RFX5: variants seen among roughly 807,000 people sequenced by gnomAD.
RFX5 encodes the protein regulatory factor X5.
RFX5 carries 30 observed loss-of-function variants against 41.2 expected under a neutral mutation model. The observed-to-expected ratio is 0.73, with a 90% CI of 0.54 to 0.99. RFX5 has a LOEUF of 0.99. Ranked by LOEUF, RFX5 falls within the 50% of genes least tolerant of loss-of-function variation. RFX5 has a pLI of 0.00. For synonymous variants in RFX5, 231 were observed against 291.8 expected (o/e 0.79, Z 2.12); for missense variants, 715 against 773.6 (o/e 0.92, Z 0.90).
chr1:151,342,175 A>G lies in RFX5; in HGVS notation c.*11T>C. The G allele has an allele frequency of 1.2e-6, 2 of 1,614,190 alleles. No individual in the cohort carries two copies. The highest frequency in any genetic ancestry group is 1.1e-5 in the South Asian group (1 of 91,086). ...CGTAGGGATATAAACACTCTTCCCC[A>G]CAGACCTGTATCATGGGGGTGTTGC... On this transcript the variant is annotated 3_prime_UTR_variant, in exon 11 of 11. Transcript: ENST00000452671.
chr1:151,346,071 T>G (rs916008123), intron 3 of RFX5, 110 bp from the exon 4 acceptor site: 1 of 1,592,462 alleles, frequency 6.3e-7, no homozygotes, highest in Non-Finnish European at 8.6e-7. Flanking sequence ...GCTCAAGAAT[T>G]GCTACCATGG....
At chr1:151,344,604 C>A in intron 6 of RFX5, 68 bp from the exon 7 acceptor site, 1 of 1,611,226 alleles carries the variant, frequency 6.2e-7, no homozygotes, top group South Asian at 1.1e-5. Context: ...TCGAAGAGTC[C>A]CTAGGGATCA....
chr1:151,342,701 G>A lies in RFX5; in HGVS notation c.1336C>T (p.Pro446Ser). ...TCCTGCTTTGCTGCTTTAGCTGGTGGAGCCTGCCCACTGGCCTCACTCACA... is the reference window on the plus strand; with the variant it reads ...TCCTGCTTTGCTGCTTTAGCTGGTGAAGCCTGCCCACTGGCCTCACTCACA... ...VPVSEASGQAPPAKAAKQDIE... is the reference protein window; with the variant it reads ...VPVSEASGQASPAKAAKQDIE... Residue 446 changes from proline (P) to serine (S), a missense_variant, in exon 11 of 11, where the codon CCA (proline) becomes TCA (serine). Coordinates refer to ENST00000452671, the MANE Select transcript of RFX5 (RefSeq NM_001025603.2). The A allele has an allele frequency of 6.2e-7, 1 of 1,614,176 alleles. No individual in the cohort carries two copies. Among genetic ancestry groups the A allele is most frequent in the Non-Finnish European group, 8.5e-7 (1 of 1,180,042 alleles).
intron 2 of RFX5, 44 bp from the exon 3 acceptor site, chr1:151,346,377 C>T: frequency 2.0e-6 from 3 of 1,507,682 alleles, no homozygotes; most frequent in Non-Finnish European, 2.8e-6. Flanking sequence ...CTCACACTGG[C>T]CTTCCCTTCC....
intron 6 of RFX5, 25 bp downstream of exon 6, chr1:151,344,703 T>TTCC: frequency 1.3e-6 from 2 of 1,515,656 alleles, no homozygotes; most frequent in Non-Finnish European, 8.9e-7. Flanking sequence ...AATCCACTCA[T>TTCC]CCCACCACCC....
At position 151,342,225 on chromosome 1, in the gene RFX5, T is replaced by C; in HGVS notation, c.1812A>G (p.Leu604=). The C allele has an allele frequency of 6.2e-7, 1 of 1,614,228 alleles. No individual in the cohort carries two copies. The highest frequency in any genetic ancestry group is 1.1e-5 in the South Asian group (1 of 91,088). The change falls in exon 11 of 11, where the codon TTA becomes TTG. Residue 604 remains leucine, a synonymous_variant. Transcript: ENST00000452671. ...DLKEHVLQSS[L]SQEHKDPKAT... is the part of the protein sequence containing the mutation. Reference sequence around the variant, plus strand: ...CTTTTGGGTCTTTATGCTCCTGGGATAAGGAACTTTGAAGCACATGCTCCT... The same window carrying C: ...CTTTTGGGTCTTTATGCTCCTGGGACAAGGAACTTTGAAGCACATGCTCCT...
chr1:151,345,874 C>G (rs1306969502), intron 4 of RFX5, 54 bp downstream of exon 4: 4 of 1,611,346 alleles, frequency 2.5e-6, no homozygotes, highest in Non-Finnish European at 3.4e-6. Flanking sequence ...ATCCTCACAT[C>G]CTCCTCCCTC....
At position 151,344,555 on chromosome 1, in the gene RFX5, G is replaced by C. The variant is rs767572610; in HGVS notation, c.354-19C>G. On this transcript the variant is annotated intron_variant, in intron 6 of 10. Coordinates refer to ENST00000452671, the MANE Select transcript of RFX5 (RefSeq NM_001025603.2). ...GTACTTCCTGAGTGAGAGGGGAGCA[G>C]AGTGGGAAGATACTCAGAGAAGGAG... The C allele has an allele frequency of 4.3e-6, 7 of 1,614,176 alleles. No individual in the cohort carries two copies. The highest frequency in any genetic ancestry group is 1.1e-5 in the South Asian group (1 of 91,056).
rs1402328710 is a variant in RFX5, at chr1:151,342,928, C to G, written c.1109G>C (p.Arg370Thr). Residue 370 changes from arginine to threonine, a missense_variant, in exon 11 of 11, where the codon AGG becomes ACG. Arg to Thr is a moderately conservative substitution (Grantham distance 71, BLOSUM62 -1). Coordinates refer to ENST00000452671, the MANE Select transcript of RFX5 (RefSeq NM_001025603.2). ...CACAGCTGCTGGGGGTGCCCCGGCC[C>G]TACTAGACAGAGGCAGTGTAGCCAC... ...LKVATLPLSS[R>T]AGAPPAAVPI... The G allele has an allele frequency of 6.2e-7, 1 of 1,614,150 alleles. No individual in the cohort carries two copies. Among genetic ancestry groups the G allele is most frequent in the Non-Finnish European group, 8.5e-7 (1 of 1,180,008 alleles).
Position 151,345,207 on chromosome 1 carries a change from G to C in RFX5, c.151-19C>G, listed in dbSNP as rs759922162. 6.2e-7 allele frequency: 1 copy of C among 1,602,440 alleles called. No individual in the cohort carries two copies. Among genetic ancestry groups the C allele is most frequent in the Non-Finnish European group, 8.5e-7 (1 of 1,169,786 alleles). ...CATCTTGCTGAGGTAGGAGAGAACAGAGGCAGGAGAAATAATAAGGCCAAG... is the reference window on the plus strand; with the variant it reads ...CATCTTGCTGAGGTAGGAGAGAACACAGGCAGGAGAAATAATAAGGCCAAG... On this transcript the variant is annotated intron_variant, in intron 4 of 10. Transcript: ENST00000452671.
At position 151,344,730 on chromosome 1, in the gene RFX5, A is replaced by G; in HGVS notation, c.351T>C (p.Tyr117=). Residue 117 remains tyrosine (Y), a splice_region_variant and synonymous_variant, in exon 6 of 11, where the codon TAT becomes TAC. Coordinates refer to ENST00000452671, the MANE Select transcript of RFX5 (RefSeq NM_001025603.2). ...CLPKQSVYDA[Y]RKYCESLACC... is the part of the protein sequence containing the mutation. ...CCACCACCCACCCCTCCACCCACCGATAGGCATCATAAACACTTTGCTTTG... is the reference window on the plus strand; with the variant it reads ...CCACCACCCACCCCTCCACCCACCGGTAGGCATCATAAACACTTTGCTTTG... The G allele has an allele frequency of 9.1e-7, 1 of 1,095,362 alleles. No homozygotes were observed. Among genetic ancestry groups the G allele is most frequent in the Non-Finnish European group, 1.3e-6 (1 of 780,164 alleles). 67.9% of individuals were successfully genotyped at this position (1,095,362 alleles called of 1,614,324 possible).
intron 5 of RFX5, 41 bp downstream of exon 5, chr1:151,345,065 G>T: frequency 6.3e-7 from 1 of 1,585,170 alleles, no homozygotes; most frequent in South Asian, 1.1e-5. Flanking sequence ...CTTTCTCTAA[G>T]AATCAGAACC....
Position 151,344,550 on chromosome 1 carries a change from G to A in RFX5, c.354-14C>T, listed in dbSNP as rs1263151716. 1.2e-6 allele frequency: 2 copies of A among 1,614,148 alleles called. No individual in the cohort carries two copies. On this transcript the variant is annotated splice_polypyrimidine_tract_variant and intron_variant, in intron 6 of 10. Coordinates refer to ENST00000452671, the MANE Select transcript of RFX5 (RefSeq NM_001025603.2). ...TCACAGTACTTCCTGAGTGAGAGGGGAGCAGAGTGGGAAGATACTCAGAGA... is the reference window on the plus strand; with the variant it reads ...TCACAGTACTTCCTGAGTGAGAGGGAAGCAGAGTGGGAAGATACTCAGAGA...
At position 151,346,574 on chromosome 1, in the gene RFX5, C is replaced by T; in HGVS notation, c.-99G>A. 2.1e-6 allele frequency: 1 copy of T among 481,282 alleles called. No homozygotes were observed. Among genetic ancestry groups the T allele is most frequent in the Non-Finnish European group, 3.8e-6 (1 of 262,766 alleles). The allele number at this position is 481,282 out of a possible 1,614,324, so 29.8% of individuals were successfully genotyped here. Reference sequence around the variant, plus strand: ...TCTTTGCCATCTCCATTCTATCTGCCCCACCTTTCTGAAGTCTCCTAAATC... The same window carrying T: ...TCTTTGCCATCTCCATTCTATCTGCTCCACCTTTCTGAAGTCTCCTAAATC... On this transcript the variant is annotated 5_prime_UTR_variant, in exon 2 of 11. Transcript: ENST00000452671.
At position 151,342,779 on chromosome 1, in the gene RFX5, C is replaced by T; in HGVS notation, c.1258G>A (p.Gly420Ser). ...TTGTCATGTGGTCCTTGGTCACCAC[C>T]TATGCCTACCTCTCTGTTCTCTGTG... Reference protein sequence around the residue: ...RGTENREVGIGGDQGPHDKGV... With the variant: ...RGTENREVGISGDQGPHDKGV... The change falls in exon 11 of 11, where the codon GGT (glycine) becomes AGT (serine). Residue 420 changes from glycine to serine, a missense_variant. Gly to Ser is a moderately conservative substitution (Grantham distance 56). Coordinates refer to ENST00000452671, the MANE Select transcript of RFX5 (RefSeq NM_001025603.2). The T allele has an allele frequency of 1.2e-6, 2 of 1,614,160 alleles. No individual in the cohort carries two copies. Among genetic ancestry groups the T allele is most frequent in the Non-Finnish European group, 1.7e-6 (2 of 1,179,994 alleles).
chr1:151,346,080 G>A (rs1651025560), intron 3 of RFX5, 119 bp from the exon 4 acceptor site: 8 of 1,576,760 alleles, frequency 5.1e-6, no homozygotes, highest in Non-Finnish European at 7.0e-6. Flanking sequence ...TTGCTACCAT[G>A]GCCAAAAATC....
At chr1:151,343,205 A>C (rs1650657445) in intron 10 of RFX5, 27 bp from the exon 11 acceptor site, 1 of 1,610,930 alleles carries the variant, frequency 6.2e-7, no homozygotes, top group East Asian at 2.2e-5. Context: ...GGAACACAGT[A>C]AGGTGTGAAG....
rs755143025 is a variant in RFX5 at position 151,342,613 on chromosome 1, C to A, written c.1424G>T (p.Gly475Val). 3.1e-6 allele frequency: 5 copies of A among 1,614,226 alleles called. No homozygotes were observed. The South Asian group carries it at 5.5e-5, about 18-fold the overall frequency. The change falls in exon 11 of 11, where the codon GGA becomes GTA. Residue 475 changes from glycine to valine, a missense_variant. By Grantham distance (109) the Gly-to-Val change is moderately radical. Transcript: ENST00000452671. ...AGGGGTAGAATTCCTTTCCCCACTT[C>A]CACCTGACTTTTTTCGAGGGCGCCC... ...KRGRPRKKSG[G>V]SGERNSTPLK...
Position 151,344,709 on chromosome 1 carries a change from C to CA in RFX5, c.353+18dup. 6.5e-7 allele frequency: 1 copy of CA among 1,542,634 alleles called. No homozygotes were observed. On this transcript the variant is annotated intron_variant, in intron 6 of 10. Coordinates refer to ENST00000452671, the MANE Select transcript of RFX5 (RefSeq NM_001025603.2). ...ATGCCCACCAATCCACTCATCCCAC[C>CA]ACCCACCCCTCCACCCACCGATAGG... is the stretch of plus-strand genomic sequence containing the variant.
Sources: allele counts gnomAD v4.1 joint callset, GRCh38; gene constraint gnomAD v4.1.1; transcripts MANE v1.5; gene names NCBI Gene and HGNC (gene_info 2026-07-23, HGNC 2026-07-21).